RAB38: variants seen among roughly 807,000 people sequenced by gnomAD.
The protein encoded by RAB38 is RAB38, member RAS oncogene family, also known as ras-related protein Rab-38.
In RAB38, 15 loss-of-function variants were observed where a neutral mutation model predicts 18.4. The ratio of observed to expected loss-of-function variants is 0.82; its 90% CI spans 0.55 to 1.26. The LOEUF is 1.26. RAB38 is among the 50% of genes most tolerant of loss of function. RAB38 has a pLI of 0.00. For missense variants in RAB38, 294 were observed against 267.4 expected, an observed-to-expected ratio of 1.10 and a Z score of -0.69; for synonymous variants, 101 against 104.4, an observed-to-expected ratio of 0.97 and a Z score of 0.20.
chr11:88,147,880 G>C (rs1004651423), intron 2 of RAB38, among the ~76,000 whole-genome samples: 18 of 151,912 alleles, frequency 1.2e-4, no homozygotes, highest in African/African-American at 4.4e-4. Context: ...GTGACAGAGC[G>C]AGACTCTGTC....
chr11:88,173,446 GATCCAGATGGAGGCAGTTCA>G, intron 1 of RAB38: 1 of 823,728 alleles, frequency 1.2e-6, no homozygotes, highest in Non-Finnish European at 1.5e-6. Flanking sequence ...GTAAAGTAAG[GATCCAGATGGAGGCAGTTCA>G]ACTCTGGAAT....
the RAB38 span, chr11:88,097,812 T>A: frequency 1.3e-5 from 2 of 151,976 alleles, no homozygotes; most frequent in Non-Finnish European, 2.9e-5. Flanking sequence ...TGATTGTGTC[T>A]CTGGAAAACA....
the RAB38 span, among the ~76,000 whole-genome samples, chr11:87,837,090 G>A: frequency 6.6e-6 from 1 of 152,150 alleles, no homozygotes; most frequent in Non-Finnish European, 1.5e-5. Context: ...TTTATAAAAT[G>A]CTTATAATAG....
the RAB38 span, among the ~76,000 whole-genome samples, chr11:88,004,287 A>G: frequency 6.6e-6 from 1 of 150,982 alleles, no homozygotes; most frequent in South Asian, 2.1e-4. Flanking sequence ...GGTATGATAC[A>G]TTTGAGCAAG....
At chr11:87,832,095 A>G in the RAB38 span, among the ~76,000 whole-genome samples, 1 of 152,214 alleles carries the variant, frequency 6.6e-6, no homozygotes, top group Non-Finnish European at 1.5e-5. Flanking sequence ...TAGGTAAGCT[A>G]TTTAAATGTT....
chr11:88,044,291 C>T, the RAB38 span, among the ~76,000 whole-genome samples: 83 of 152,234 alleles, frequency 5.5e-4, no homozygotes, highest in African/African-American at 2.0e-3. Context: ...GAGGAACCCC[C>T]GACCCCTTCT....
At chr11:87,814,443 ATATAC>A in the RAB38 span, among the ~76,000 whole-genome samples, 2 of 152,196 alleles carry the variant, frequency 1.3e-5, no homozygotes, top group Non-Finnish European at 2.9e-5. Context: ...TTATATGTAA[ATATAC>A]TATGTACAAT....
At chr11:88,092,813 C>G in the RAB38 span, among the ~76,000 whole-genome samples, 2 of 151,746 alleles carry the variant, frequency 1.3e-5, no homozygotes, top group Middle Eastern at 3.2e-3. Flanking sequence ...TTGAAAGACT[C>G]TATTCAGAAG....
the RAB38 span, among the ~76,000 whole-genome samples, chr11:88,039,170 T>C: frequency 6.6e-6 from 1 of 152,178 alleles, no homozygotes; most frequent in African/African-American, 2.4e-5. Flanking sequence ...TAATTTAGAT[T>C]GTGTCCTGTA....
chr11:88,016,011 C>T, the RAB38 span, among the ~76,000 whole-genome samples: 1 of 152,074 alleles, frequency 6.6e-6, no homozygotes, highest in East Asian at 1.9e-4. Flanking sequence ...GCTAATATTT[C>T]GGCAATGTGC....
At chr11:87,836,712 A>G in the RAB38 span, among the ~76,000 whole-genome samples, 1 of 152,128 alleles carries the variant, frequency 6.6e-6, no homozygotes, top group Admixed American at 6.6e-5. Context: ...TTTGTGGCAT[A>G]GTTTACTCAG....
intron 2 of RAB38, among the ~76,000 whole-genome samples, chr11:88,132,326 T>C (rs1394324366): frequency 3.3e-5 from 5 of 152,206 alleles, no homozygotes; most frequent in Non-Finnish European, 5.9e-5. Flanking sequence ...GTCCTTGAAC[T>C]GCAGTTCCAG....
At chr11:88,032,772 G>A in the RAB38 span, among the ~76,000 whole-genome samples, 1 of 152,202 alleles carries the variant, frequency 6.6e-6, no homozygotes, top group East Asian at 1.9e-4. Flanking sequence ...CTTTTACACT[G>A]TTGGTGGGAC....
chr11:88,014,668 A>T, the RAB38 span, among the ~76,000 whole-genome samples: 24 of 152,184 alleles, frequency 1.6e-4, no homozygotes, highest in East Asian at 4.6e-3. Context: ...TTGTACCCTG[A>T]CAACCATGTG....
chr11:87,911,448 A>G, the RAB38 span, among the ~76,000 whole-genome samples: 1 of 152,072 alleles, frequency 6.6e-6, no homozygotes, highest in African/African-American at 2.4e-5. Flanking sequence ...AGTTTGCTTC[A>G]CAAGGTTTTT....
At chr11:87,904,767 C>T in the RAB38 span, among the ~76,000 whole-genome samples, 3 of 151,580 alleles carry the variant, frequency 2.0e-5, no homozygotes, top group Admixed American at 6.6e-5. Context: ...TTTTTAATAA[C>T]AGCCATTCTG....
the RAB38 span, among the ~76,000 whole-genome samples, chr11:87,853,844 C>T: frequency 6.6e-6 from 1 of 152,148 alleles, no homozygotes; most frequent in African/African-American, 2.4e-5. Flanking sequence ...GTTTCACCAG[C>T]TCATAATCAA....
chr11:88,110,390 A>G (rs1942457387), downstream of RAB38, among the ~76,000 whole-genome samples: 1 of 152,086 alleles, frequency 6.6e-6, no homozygotes, highest in East Asian at 1.9e-4. Context: ...GGGGCCAGGG[A>G]AGGGATAGCA....
the RAB38 span, among the ~76,000 whole-genome samples, chr11:88,076,028 A>G: frequency 6.6e-6 from 1 of 151,626 alleles, no homozygotes; most frequent in African/African-American, 2.4e-5. Flanking sequence ...AAAATTGAAA[A>G]TAATAAAATA....
Sources: gnomAD v4.1 joint callset for allele counts (sites outside exome capture counted in the v4.1 genomes callset) on GRCh38, gnomAD v4.1.1 for gene constraint, MANE v1.5 for transcripts, NCBI Gene and HGNC (gene_info 2026-07-23, HGNC 2026-07-21) for gene names.